The following ATF6 variants were observed in gnomAD, a reference collection of about 807,000 sequenced individuals.
ATF6 encodes the protein cyclic AMP-dependent transcription factor ATF-6 alpha.
ATF6 carries 53 observed loss-of-function variants against 83.6 expected under a neutral mutation model. The ratio of observed to expected loss-of-function variants is 0.63; its 90% CI spans 0.51 to 0.80. ATF6 has a LOEUF of 0.80. Ranked by LOEUF, ATF6 falls within the 30% of genes least tolerant of loss-of-function variation. The pLI is 0.00. For missense variants in ATF6, 744 were observed against 797.9 expected (o/e 0.93, Z 0.81); for synonymous variants, 288 against 285.8 (o/e 1.01, Z -0.08).
chr1:161,854,333 G>A (rs1686708004), intron 12 of ATF6, among the ~76,000 whole-genome samples: 1 of 152,190 alleles, frequency 6.6e-6, no homozygotes, highest in Admixed American at 6.6e-5. Context: ...CCAACAACTT[G>A]AAATTCTTTG....
chr1:161,947,727 A>G (rs189334058), intron 15 of ATF6, among the ~76,000 whole-genome samples: 5 of 151,546 alleles, frequency 3.3e-5, no homozygotes, highest in Admixed American at 1.3e-4. Flanking sequence ...AGAAAGGAAC[A>G]ATTATTTAGT....
chr1:161,823,996 G>A (rs536472608), intron 9 of ATF6, among the ~76,000 whole-genome samples: 1 of 152,326 alleles, frequency 6.6e-6, no homozygotes, highest in South Asian at 2.1e-4. Context: ...CTAGACTAGA[G>A]CTAGAGGTTA....
At chr1:161,896,962 G>A (rs978463245) in intron 14 of ATF6, among the ~76,000 whole-genome samples, 1 of 152,092 alleles carries the variant, frequency 6.6e-6, no homozygotes, top group Non-Finnish European at 1.5e-5. Context: ...ACTTTACTAT[G>A]TTCTAATCAG....
intron 15 of ATF6, among the ~76,000 whole-genome samples, chr1:161,920,294 C>CTCTTTTTTTTTTTTTTTTTTTTTTTTTT (rs1157916734): frequency 5.5e-5 from 3 of 54,840 alleles, no homozygotes; most frequent in African/African-American, 7.4e-5. Context: ...CTCTCTCTCT[C>CTCTTTTTTTTTTTTTTTTTTTTTTTTTT]TTTTTTTTTT....
intron 15 of ATF6, among the ~76,000 whole-genome samples, chr1:161,919,088 C>A (rs942956077): frequency 6.6e-6 from 1 of 152,000 alleles, no homozygotes; most frequent in African/African-American, 2.4e-5. Context: ...TTCTCCATGC[C>A]AGTTTTATTT....
At chr1:161,928,147 A>G (rs984137361) in intron 15 of ATF6, among the ~76,000 whole-genome samples, 1 of 152,216 alleles carries the variant, frequency 6.6e-6, no homozygotes, top group African/African-American at 2.4e-5. Context: ...CTGAGAAATT[A>G]AGAGAACCAC....
chr1:161,789,109 G>C (rs1431829697), intron 4 of ATF6, among the ~76,000 whole-genome samples: 1 of 151,640 alleles, frequency 6.6e-6, no homozygotes, highest in Non-Finnish European at 1.5e-5. Context: ...TGGAAAATGG[G>C]GTATCCATCC....
intron 11 of ATF6, among the ~76,000 whole-genome samples, chr1:161,852,441 T>C (rs1405026400): frequency 6.6e-6 from 1 of 152,160 alleles, no homozygotes; most frequent in African/African-American, 2.4e-5. Flanking sequence ...CCCCAGGCAA[T>C]TGAGTTCATT....
chr1:161,768,598 C>G (rs1684320068), intron 1 of ATF6, among the ~76,000 whole-genome samples: 1 of 152,006 alleles, frequency 6.6e-6, no homozygotes, highest in Non-Finnish European at 1.5e-5. Context: ...GGGTCTTGCT[C>G]TGTCGCCCAG....
chr1:161,820,264 T>C (rs1571160132), intron 8 of ATF6, among the ~76,000 whole-genome samples: 1 of 152,268 alleles, frequency 6.6e-6, no homozygotes, highest in African/African-American at 2.4e-5. Context: ...GGAAATTTGC[T>C]GTTTTCAGAA....
chr1:161,773,972 T>C (rs1299211218), intron 1 of ATF6, among the ~76,000 whole-genome samples: 2 of 152,200 alleles, frequency 1.3e-5, no homozygotes, highest in African/African-American at 4.8e-5. Context: ...ATTTACCAAC[T>C]GTTAACATCG....
At chr1:161,785,204 G>A (rs551236352) in intron 4 of ATF6, among the ~76,000 whole-genome samples, 5 of 152,292 alleles carry the variant, frequency 3.3e-5, no homozygotes, top group African/African-American at 1.2e-4. Flanking sequence ...CAGTGAGATT[G>A]CTGCTGTTAC....
chr1:161,933,410 A>T (rs1196710584), intron 15 of ATF6, among the ~76,000 whole-genome samples: 1 of 152,244 alleles, frequency 6.6e-6, no homozygotes, highest in East Asian at 1.9e-4. Context: ...ATCAAGAGAC[A>T]ACATTAAAGT....
At chr1:161,956,612 G>T (rs766466136) in intron 15 of ATF6, among the ~76,000 whole-genome samples, 7 of 152,194 alleles carry the variant, frequency 4.6e-5, no homozygotes, top group Admixed American at 1.3e-4. Flanking sequence ...AATAGGTAGG[G>T]TTAGTTAATA....
intron 3 of ATF6, among the ~76,000 whole-genome samples, chr1:161,782,841 T>G (rs1348485262): frequency 2.6e-5 from 4 of 152,254 alleles, no homozygotes; most frequent in African/African-American, 9.6e-5. Flanking sequence ...ACCATTTTAT[T>G]AGATTGCTAG....
intron 10 of ATF6, among the ~76,000 whole-genome samples, chr1:161,847,398 A>G (rs963332817): frequency 6.6e-6 from 1 of 152,142 alleles, no homozygotes; most frequent in African/African-American, 2.4e-5. Context: ...CTGTTGAAAG[A>G]TGATCACCAC....
chr1:161,853,405 A>T lies in ATF6; in HGVS notation c.1533+82A>T, dbSNP rs528070570. Reference sequence around the variant, plus strand: ...CAGCTGGGTTACTCTCTTCCCTAGAAGGTTGGTAAACTTGAGCTTTAGCCT... The same window carrying T: ...CAGCTGGGTTACTCTCTTCCCTAGATGGTTGGTAAACTTGAGCTTTAGCCT... On this transcript the variant is annotated intron_variant, in intron 12 of 15. Coordinates refer to ENST00000367942, the MANE Select transcript of ATF6 (RefSeq NM_007348.4). The T allele has an allele frequency of 8.7e-5, 85 of 974,672 alleles. 2 individuals carry two copies. The South Asian group carries it at 1.2e-3, about 13-fold the overall frequency. 60.4% of individuals were successfully genotyped at this position (974,672 alleles called of 1,614,324 possible).
chr1:161,813,801 G>T (rs1685535139), intron 7 of ATF6, among the ~76,000 whole-genome samples: 1 of 151,734 alleles, frequency 6.6e-6, no homozygotes, highest in African/African-American at 2.4e-5. Context: ...AAGAATTAAG[G>T]ACTCCTAACT....
At chr1:161,888,166 G>GAATAAATAA (rs1687468647) in intron 14 of ATF6, among the ~76,000 whole-genome samples, 1 of 152,084 alleles carries the variant, frequency 6.6e-6, no homozygotes, top group Non-Finnish European at 1.5e-5. Context: ...TCTATCATCA[G>GAATAAATAA]ACAACGAAAG....
Sources: allele counts gnomAD v4.1 joint callset (sites outside exome capture counted in the v4.1 genomes callset), GRCh38; gene constraint gnomAD v4.1.1; transcripts MANE v1.5; gene names NCBI Gene and HGNC (gene_info 2026-07-23, HGNC 2026-07-21).